SLC35F1: variants seen among roughly 807,000 people sequenced by gnomAD.
SLC35F1 encodes chromosome 6 open reading frame 169.
Under a neutral mutation model 48.7 loss-of-function variants are expected in SLC35F1, and 14 were observed. That is an observed-to-expected ratio of 0.29 (90% confidence interval 0.19 to 0.45). The LOEUF (loss-of-function observed/expected upper bound fraction) is 0.45. Among genes scored for constraint, SLC35F1 ranks in the 20% least tolerant of loss-of-function variants. The pLI is 1.00. For synonymous variants in SLC35F1, 190 were observed against 202.2 expected, an observed-to-expected ratio of 0.94 and a Z score of 0.51; for missense variants, 404 against 500.0, an observed-to-expected ratio of 0.81 and a Z score of 1.83.
chr6:118,107,005 G>A (rs80068591), intron 1 of SLC35F1, among the ~76,000 whole-genome samples: 1 of 152,250 alleles, frequency 6.6e-6, no homozygotes, highest in African/African-American at 2.4e-5. Flanking sequence ...TCTCTTTACA[G>A]CATTTATCAT....
intron 2 of SLC35F1, among the ~76,000 whole-genome samples, chr6:118,194,717 A>G (rs1188779321): frequency 6.6e-6 from 1 of 152,198 alleles, no homozygotes. Context: ...AGTGGTTTTT[A>G]CCATTCCTTT....
chr6:118,159,986 C>T (rs1428487442), intron 2 of SLC35F1, among the ~76,000 whole-genome samples: 1 of 152,134 alleles, frequency 6.6e-6, no homozygotes, highest in Non-Finnish European at 1.5e-5. Context: ...TCTTGTTTCT[C>T]TAATTCCTTT....
chr6:118,277,653 A>G, intron 6 of SLC35F1, 107 bp downstream of exon 6: 1 of 906,034 alleles, frequency 1.1e-6, no homozygotes, highest in Non-Finnish European at 1.8e-6. Flanking sequence ...TTAGAGTGGT[A>G]GGGGACAAGG....
chr6:118,230,832 A>G (rs980613729), intron 2 of SLC35F1, among the ~76,000 whole-genome samples: 1 of 152,080 alleles, frequency 6.6e-6, no homozygotes, highest in African/African-American at 2.4e-5. Flanking sequence ...AGAAATGCAA[A>G]AATTAGCTGG....
intron 1 of SLC35F1, among the ~76,000 whole-genome samples, chr6:117,920,305 A>C (rs760091590): frequency 4.6e-5 from 7 of 152,180 alleles, no homozygotes; most frequent in Non-Finnish European, 7.4e-5. Flanking sequence ...AGAGGACCGG[A>C]CGGGGGCGAG....
intron 1 of SLC35F1, among the ~76,000 whole-genome samples, chr6:117,937,327 C>T (rs1193280261): frequency 6.6e-6 from 1 of 152,212 alleles, no homozygotes; most frequent in African/African-American, 2.4e-5. Context: ...GTTAGATGCA[C>T]ATTGCAGGGA....
intron 1 of SLC35F1, among the ~76,000 whole-genome samples, chr6:118,124,688 A>T (rs770481738): frequency 4.6e-5 from 7 of 152,176 alleles, no homozygotes; most frequent in Non-Finnish European, 1.0e-4. Flanking sequence ...ACCTGATGAG[A>T]GTCGCAAATC....
intron 1 of SLC35F1, among the ~76,000 whole-genome samples, chr6:118,119,683 C>G (rs2114399424): frequency 6.6e-6 from 1 of 152,094 alleles, no homozygotes; most frequent in South Asian, 2.1e-4. Flanking sequence ...TCTGTAGGCA[C>G]ACATTTTTTG....
At chr6:118,043,486 T>A (rs2114903848) in intron 1 of SLC35F1, among the ~76,000 whole-genome samples, 1 of 152,270 alleles carries the variant, frequency 6.6e-6, no homozygotes, top group Admixed American at 6.5e-5. Context: ...AAATGGTACC[T>A]TTTCAAGGCT....
Position 118,275,618 on chromosome 6 carries a change from G to C in SLC35F1, c.794+3G>C. On this transcript the variant is annotated splice_donor_region_variant and intron_variant, in intron 5 of 7. Coordinates refer to ENST00000360388, the MANE Select transcript of SLC35F1 (RefSeq NM_001029858.4). ...GCATTTTTCAGTGGAATTCAATTGT[G>C]AGTAAAAATAACAAGAAATATAGAT... 1 of 1,613,212 alleles carries C rather than the reference G, an allele frequency of 6.2e-7. No individual in the cohort carries two copies.
chr6:118,100,525 A>G lies in SLC35F1; in HGVS notation c.174-53920A>G, dbSNP rs1248378199. Among the ~76,000 whole-genome samples, 4 of 152,202 alleles carry G rather than the reference A, an allele frequency of 2.6e-5. No individual in the cohort carries two copies. The East Asian group carries it at 7.7e-4, about 29-fold the overall frequency. ...TGCTATTCTTGATTACAGTTTTATT[A>G]TAGCAAAAGTATCAACATTAGAACC... On this transcript the variant is annotated intron_variant, in intron 1 of 7. Coordinates refer to ENST00000360388, the MANE Select transcript of SLC35F1 (RefSeq NM_001029858.4).
chr6:118,146,756 A>G (rs1773979521), intron 1 of SLC35F1, among the ~76,000 whole-genome samples: 1 of 152,128 alleles, frequency 6.6e-6, no homozygotes, highest in South Asian at 2.1e-4. Flanking sequence ...GGCAAATGCT[A>G]CTGACTGATT....
intron 3 of SLC35F1, among the ~76,000 whole-genome samples, chr6:118,239,181 G>A (rs1216836584): frequency 6.7e-6 from 1 of 150,324 alleles, no homozygotes; most frequent in Non-Finnish European, 1.5e-5. Context: ...CTCTTTCATA[G>A]CAAGGATAGT....
chr6:118,182,446 C>G (rs1690589623), intron 2 of SLC35F1, among the ~76,000 whole-genome samples: 1 of 148,128 alleles, frequency 6.8e-6, no homozygotes, highest in South Asian at 2.1e-4. Context: ...GACCTGTGTT[C>G]ACACCGCTGC....
chr6:117,954,924 A>G (rs1776410466), intron 1 of SLC35F1, among the ~76,000 whole-genome samples: 2 of 152,248 alleles, frequency 1.3e-5, no homozygotes, highest in African/African-American at 4.8e-5. Flanking sequence ...AATGTTAAGC[A>G]TATTCTCTTG....
At chr6:118,296,012 G>C (rs1157795441) in intron 7 of SLC35F1, among the ~76,000 whole-genome samples, 1 of 152,104 alleles carries the variant, frequency 6.6e-6, no homozygotes, top group Non-Finnish European at 1.5e-5. Context: ...TCTAGCAGTG[G>C]GGAAGGGATG....
At chr6:118,136,544 A>G (rs947713605) in intron 1 of SLC35F1, among the ~76,000 whole-genome samples, 3 of 152,198 alleles carry the variant, frequency 2.0e-5, no homozygotes, top group Admixed American at 6.5e-5. Context: ...ATACTAGTAG[A>G]GGCTGGAGAC....
At chr6:118,232,588 G>A (rs1051554090) in intron 2 of SLC35F1, among the ~76,000 whole-genome samples, 25 of 149,122 alleles carry the variant, frequency 1.7e-4, no homozygotes, top group South Asian at 2.1e-4. Flanking sequence ...GAAGCACACA[G>A]CAGGAAAACC....
At chr6:118,030,297 C>A (rs571023910) in intron 1 of SLC35F1, among the ~76,000 whole-genome samples, 5 of 152,280 alleles carry the variant, frequency 3.3e-5, no homozygotes, top group Admixed American at 3.3e-4. Flanking sequence ...TAGCTCCTAG[C>A]ACTGGGGCAT....
Sources: gnomAD v4.1 joint callset for allele counts (sites outside exome capture counted in the v4.1 genomes callset) on GRCh38, gnomAD v4.1.1 for gene constraint, MANE v1.5 for transcripts, NCBI Gene and HGNC (gene_info 2026-07-23, HGNC 2026-07-21) for gene names.